NALF1: variants seen among roughly 807,000 people sequenced by gnomAD.
NALF1 encodes family with sequence similarity 155 member A.
Under a neutral mutation model 48.4 loss-of-function variants are expected in NALF1, and 3 were observed. That is an observed-to-expected ratio of 0.06 (90% CI 0.03 to 0.16). The LOEUF is 0.16. NALF1 is among the 10% of genes least tolerant of loss of function. NALF1 has a pLI of 1.00. For missense variants in NALF1, 526 were observed against 571.5 expected (o/e 0.92, Z 0.81); for synonymous variants, 262 against 245.7 (o/e 1.07, Z -0.62).
Position 107,547,676 on chromosome 13 carries a change from A to G in NALF1, c.915+318006T>C, listed in dbSNP as rs147045265. Among the ~76,000 whole-genome samples the G allele has an allele frequency of 9.3e-3, 1,414 of 152,226 alleles. 19 individuals are homozygous for G. The highest frequency in any genetic ancestry group is 0.031 in the African/African-American group (1,305 of 41,540). On this transcript the variant is annotated intron_variant, in intron 1 of 2. Transcript: ENST00000375915. Reference sequence around the variant, plus strand: ...AGGCCTATGCTCCTGGCTCACACACACTGTCCTTGCATCTATATCATCCTA... The same window carrying G: ...AGGCCTATGCTCCTGGCTCACACACGCTGTCCTTGCATCTATATCATCCTA...
At chr13:107,308,333 C>T (rs1881980490) in intron 1 of NALF1, among the ~76,000 whole-genome samples, 1 of 151,178 alleles carries the variant, frequency 6.6e-6, no homozygotes, top group South Asian at 2.1e-4. Context: ...TCCTGAGTAG[C>T]TGGGACTAAA....
chr13:107,617,130 AT>A (rs1393936171), intron 1 of NALF1, among the ~76,000 whole-genome samples: 1 of 152,180 alleles, frequency 6.6e-6, no homozygotes. Flanking sequence ...GAAATAAGGT[AT>A]TTTACATCTT....
intron 1 of NALF1, among the ~76,000 whole-genome samples, chr13:107,476,743 T>C (rs1003864798): frequency 3.9e-5 from 6 of 152,084 alleles, no homozygotes; most frequent in Non-Finnish European, 7.4e-5. Context: ...TATAGATTTA[T>C]ATGGGAATCC....
At chr13:107,334,308 G>C (rs1882518559) in intron 1 of NALF1, among the ~76,000 whole-genome samples, 1 of 152,176 alleles carries the variant, frequency 6.6e-6, no homozygotes. Context: ...CTGATCATCT[G>C]ATTTGCTCTT....
intron 1 of NALF1, among the ~76,000 whole-genome samples, chr13:107,723,180 A>G (rs1366185467): frequency 6.6e-6 from 1 of 152,188 alleles, no homozygotes; most frequent in Non-Finnish European, 1.5e-5. Context: ...ATACATGTTT[A>G]TGATGACCCA....
At chr13:107,428,759 T>G (rs1178216793) in intron 1 of NALF1, among the ~76,000 whole-genome samples, 1 of 152,210 alleles carries the variant, frequency 6.6e-6, no homozygotes, top group Non-Finnish European at 1.5e-5. Context: ...AATATTCCAT[T>G]GCTAATTGTC....
intron 1 of NALF1, among the ~76,000 whole-genome samples, chr13:107,520,369 T>A (rs1162656717): frequency 6.6e-6 from 1 of 152,194 alleles, no homozygotes; most frequent in Non-Finnish European, 1.5e-5. Flanking sequence ...ACTCAGTGTA[T>A]CTTCACAGTA....
At chr13:107,501,554 G>A (rs1875525409) in intron 1 of NALF1, among the ~76,000 whole-genome samples, 1 of 152,032 alleles carries the variant, frequency 6.6e-6, no homozygotes, top group African/African-American at 2.4e-5. Flanking sequence ...TCAGGTAAAC[G>A]GTATTTCATG....
chr13:107,327,562 G>T (rs936289230), intron 1 of NALF1, among the ~76,000 whole-genome samples: 4 of 152,122 alleles, frequency 2.6e-5, no homozygotes, highest in Non-Finnish European at 5.9e-5. Flanking sequence ...GAGTGTCCTA[G>T]ATATGGTAAT....
intron 1 of NALF1, among the ~76,000 whole-genome samples, chr13:107,344,403 A>G (rs911859754): frequency 3.3e-5 from 5 of 152,196 alleles, no homozygotes; most frequent in Admixed American, 1.3e-4. Context: ...TTACAGGACA[A>G]TATCACTGAT....
chr13:107,319,508 T>C (rs1473844997), intron 1 of NALF1, among the ~76,000 whole-genome samples: 1 of 151,988 alleles, frequency 6.6e-6, no homozygotes, highest in Non-Finnish European at 1.5e-5. Flanking sequence ...TTGTTAAAAA[T>C]TGGTGATTAA....
chr13:107,845,215 T>C (rs1431442715), intron 1 of NALF1, among the ~76,000 whole-genome samples: 1 of 152,206 alleles, frequency 6.6e-6, no homozygotes, highest in Non-Finnish European at 1.5e-5. Flanking sequence ...ATGACCCAAG[T>C]CCAGATGAAA....
intron 1 of NALF1, among the ~76,000 whole-genome samples, chr13:107,748,426 T>G (rs1876842659): frequency 6.6e-6 from 1 of 152,198 alleles, no homozygotes; most frequent in Non-Finnish European, 1.5e-5. Context: ...GAACTAGTCT[T>G]TATACCACAC....
At chr13:107,632,051 T>C (rs1442245316) in intron 1 of NALF1, among the ~76,000 whole-genome samples, 2 of 152,168 alleles carry the variant, frequency 1.3e-5, no homozygotes, top group African/African-American at 4.8e-5. Flanking sequence ...TAAAAGTAAA[T>C]TATACCTATT....
intron 1 of NALF1, among the ~76,000 whole-genome samples, chr13:107,676,766 AT>A (rs1270954273): frequency 6.6e-6 from 1 of 152,150 alleles, no homozygotes; most frequent in Non-Finnish European, 1.5e-5. Flanking sequence ...ATACATACAT[AT>A]TTTTTTAAAG....
intron 1 of NALF1, among the ~76,000 whole-genome samples, chr13:107,277,088 G>A (rs1881296932): frequency 6.6e-6 from 1 of 152,054 alleles, no homozygotes; most frequent in South Asian, 2.1e-4. Context: ...TGAGCTTTCT[G>A]GTAATTTGAA....
chr13:107,806,724 A>C (rs766980458), intron 1 of NALF1, among the ~76,000 whole-genome samples: 4 of 152,162 alleles, frequency 2.6e-5, no homozygotes, highest in Non-Finnish European at 4.4e-5. Flanking sequence ...AAATCTTTGC[A>C]TTTTATTTAC....
At chr13:107,514,615 C>T (rs1462830942) in intron 1 of NALF1, among the ~76,000 whole-genome samples, 2 of 152,062 alleles carry the variant, frequency 1.3e-5, no homozygotes, top group Non-Finnish European at 2.9e-5. Context: ...TCTTGCACAC[C>T]TGAATTGTTT....
At chr13:107,260,164 A>T (rs982302965) in intron 1 of NALF1, among the ~76,000 whole-genome samples, 1 of 152,222 alleles carries the variant, frequency 6.6e-6, no homozygotes, top group Non-Finnish European at 1.5e-5. Flanking sequence ...TTCATGACTA[A>T]ACCTATATCT....
Sources: gnomAD v4.1 joint callset for allele counts (sites outside exome capture counted in the v4.1 genomes callset) on GRCh38, gnomAD v4.1.1 for gene constraint, MANE v1.5 for transcripts, NCBI Gene and HGNC (gene_info 2026-07-23, HGNC 2026-07-21) for gene names.